Variants in ANKDD1A observed in about 807,000 individuals in gnomAD.
The protein encoded by ANKDD1A is ankyrin repeat and death domain-containing protein 1A.
ANKDD1A carries 59 observed loss-of-function variants against 63.5 expected under a neutral mutation model. That is an observed-to-expected ratio of 0.93 (90% confidence interval 0.75 to 1.15). ANKDD1A has a LOEUF of 1.15. Ranked by LOEUF, ANKDD1A falls within the 50% of genes most tolerant of loss-of-function variation. The pLI is 0.00. For synonymous variants in ANKDD1A, 266 were observed against 263.9 expected, an observed-to-expected ratio of 1.01 and a Z score of -0.08; for missense variants, 632 against 656.4, an observed-to-expected ratio of 0.96 and a Z score of 0.41.
intron 1 of ANKDD1A, among the ~76,000 whole-genome samples, 181 bp downstream of exon 1, chr15:64,912,145 T>C (rs1460660666): frequency 1.3e-5 from 2 of 152,036 alleles, no homozygotes. Flanking sequence ...ACCTTGCCAG[T>C]GCGTCTGGGA....
intron 14 of ANKDD1A, among the ~76,000 whole-genome samples, chr15:64,951,982 T>C (rs2085293913): frequency 6.7e-6 from 1 of 149,778 alleles, no homozygotes. Flanking sequence ...TTCTTCCTTC[T>C]TATTCTTCTT....
intron 14 of ANKDD1A, among the ~76,000 whole-genome samples, chr15:64,956,458 T>C (rs1595862482): frequency 1.3e-5 from 2 of 152,080 alleles, no homozygotes; most frequent in African/African-American, 2.4e-5. Flanking sequence ...GAGGCTGAGG[T>C]AGGAGAATGG....
At chr15:64,942,383 C>T in intron 9 of ANKDD1A, 84 bp from the exon 10 acceptor site, 2 of 1,069,644 alleles carry the variant, frequency 1.9e-6, no homozygotes, top group Admixed American at 2.6e-5. Context: ...CTATACTCTT[C>T]CCTCCTCCTG....
intron 14 of ANKDD1A, among the ~76,000 whole-genome samples, chr15:64,953,532 TC>T (rs2085344402): frequency 1.1e-5 from 1 of 89,130 alleles, no homozygotes; most frequent in South Asian, 3.3e-4. Flanking sequence ...TTCCTTCTTC[TC>T]CTCTCCTTCT....
At chr15:64,931,613 C>T (rs371581971) in intron 8 of ANKDD1A, 28 bp downstream of exon 8, 196 of 1,608,114 alleles carry the variant, frequency 1.2e-4, no homozygotes, top group African/African-American at 1.6e-4. Flanking sequence ...AGACTGCGGT[C>T]GGCTCTTGGC....
intron 6 of ANKDD1A, among the ~76,000 whole-genome samples, chr15:64,928,264 T>G (rs2085062725): frequency 6.6e-6 from 1 of 152,206 alleles, no homozygotes. Flanking sequence ...CCATCCACAC[T>G]CATCCTTTTG....
At position 64,911,906 on chromosome 15, in the gene ANKDD1A, C is replaced by G. The variant is rs1183464261; in HGVS notation, c.-25C>G. 8.0e-7 allele frequency: 1 copy of G among 1,249,024 alleles called. No homozygotes were observed. Among genetic ancestry groups the G allele is most frequent in the African/African-American group, 1.6e-5 (1 of 64,218 alleles). 77.4% of individuals were successfully genotyped at this position (1,249,024 alleles called of 1,614,324 possible). A position where few individuals can be genotyped will look rare whatever the true frequency, so the allele number is the denominator to read the frequency against. ...CGCGCCTCGCGCCCGGGCACCAGCG[C>G]GCGCAGGGGCTGCGGAGCGGCAGGA... On this transcript the variant is annotated 5_prime_UTR_variant, in exon 1 of 15. Transcript: ENST00000319580.
At chr15:64,955,219 A>T (rs957415636) in intron 14 of ANKDD1A, among the ~76,000 whole-genome samples, 1 of 151,754 alleles carries the variant, frequency 6.6e-6, no homozygotes, top group African/African-American at 2.4e-5. Context: ...ACACCCAGCT[A>T]ATGTTTTGTA....
intron 14 of ANKDD1A, among the ~76,000 whole-genome samples, chr15:64,954,751 TTTC>T (rs142805947): frequency 0.34 from 45,662 of 136,278 alleles, 8,193 homozygotes; most frequent in South Asian, 0.48. Context: ...CTCCTTCTTC[TTTC>T]TTTTTGTTCT....
At chr15:64,950,628 C>T in intron 14 of ANKDD1A, 1 of 985,084 alleles carries the variant, frequency 1.0e-6, no homozygotes, top group Non-Finnish European at 1.2e-6. Flanking sequence ...TGTGAAGTCT[C>T]CATTAGATAT....
At chr15:64,916,594 T>G (rs2084969821) in intron 2 of ANKDD1A, among the ~76,000 whole-genome samples, 1 of 152,202 alleles carries the variant, frequency 6.6e-6, no homozygotes, top group East Asian at 1.9e-4. Context: ...CCCGAAGTGC[T>G]GGGATTACAG....
intron 14 of ANKDD1A, among the ~76,000 whole-genome samples, chr15:64,953,167 TCTTTTC>T (rs1595859936): frequency 1.2e-3 from 117 of 97,476 alleles, no homozygotes; most frequent in East Asian, 2.3e-3. Flanking sequence ...CTTCTTTCCT[TCTTTTC>T]TTCTTTTTCT....
intron 9 of ANKDD1A, among the ~76,000 whole-genome samples, chr15:64,940,703 G>T (rs924177462): frequency 2.0e-5 from 3 of 151,790 alleles, no homozygotes; most frequent in African/African-American, 7.3e-5. Context: ...CTCCCAAAGT[G>T]CTGGGATTAC....
intron 3 of ANKDD1A, among the ~76,000 whole-genome samples, chr15:64,918,868 CG>C (rs1890190796): frequency 6.6e-6 from 1 of 151,850 alleles, no homozygotes; most frequent in Non-Finnish European, 1.5e-5. Context: ...GCAGGAGAAT[CG>C]CTGGAACCTG....
At chr15:64,944,025 GAGGTCAC>G (rs2085205303) in intron 11 of ANKDD1A, among the ~76,000 whole-genome samples, 1 of 152,206 alleles carries the variant, frequency 6.6e-6, no homozygotes, top group African/African-American at 2.4e-5. Context: ...ATGAGGCTGG[GAGGTCAC>G]AGGTGTTTGA....
rs777612217 is a variant in ANKDD1A at position 64,947,578 on chromosome 15, G to A, written c.1336G>A (p.Glu446Lys). The A allele has an allele frequency of 1.9e-5, 31 of 1,613,860 alleles. No individual in the cohort carries two copies. The highest frequency in any genetic ancestry group is 4.4e-5 in the South Asian group (4 of 91,058). ...CACGGAGGCACATGTCGACGCCATCGAGCAACAGTGGACAGGTACCACCTT... is the reference window on the plus strand; with the variant it reads ...CACGGAGGCACATGTCGACGCCATCAAGCAACAGTGGACAGGTACCACCTT... ...EFTEAHVDAI[E>K]QQWTGTRSYQ... The change falls in exon 13 of 15, where the codon GAG becomes AAG. Residue 446 changes from glutamate to lysine, a missense_variant. Glu to Lys is a moderately conservative substitution (Grantham distance 56, BLOSUM62 1). Transcript: ENST00000319580.
chr15:64,917,154 A>G (rs772897353), intron 2 of ANKDD1A, among the ~76,000 whole-genome samples: 25 of 152,160 alleles, frequency 1.6e-4, no homozygotes, highest in Non-Finnish European at 3.2e-4. Context: ...AGAAACTGTG[A>G]AGAGTTTTAG....
rs1333457769 is a variant in ANKDD1A at position 64,934,124 on chromosome 15, G to A, written c.769-12G>A. ...TCCTTGTGATAACGCATTGATGCCTGTTTCCTTCTAGAAAAACCTAAGCTG... is the reference window on the plus strand; with the variant it reads ...TCCTTGTGATAACGCATTGATGCCTATTTCCTTCTAGAAAAACCTAAGCTG... On this transcript the variant is annotated splice_polypyrimidine_tract_variant and intron_variant, in intron 8 of 14. Coordinates refer to ENST00000319580, the MANE Select transcript of ANKDD1A (RefSeq NM_182703.6). 6.2e-7 allele frequency: 1 copy of A among 1,602,864 alleles called. No homozygotes were observed. Among genetic ancestry groups the A allele is most frequent in the African/African-American group, 1.3e-5 (1 of 74,882 alleles).
chr15:64,926,048 T>G lies in ANKDD1A; in HGVS notation c.367-18T>G, dbSNP rs1295923267. 6.2e-7 allele frequency: 1 copy of G among 1,608,630 alleles called. No individual in the cohort carries two copies. Among genetic ancestry groups the G allele is most frequent in the African/African-American group, 1.3e-5 (1 of 74,846 alleles). On this transcript the variant is annotated intron_variant, in intron 4 of 14. Transcript: ENST00000319580. ...CTCCCTTCACAGACTGCAGGAACCCTCCTGCACTTGTTTCCAGGATGGCCT... is the reference window on the plus strand; with the variant it reads ...CTCCCTTCACAGACTGCAGGAACCCGCCTGCACTTGTTTCCAGGATGGCCT...
Sources: allele counts gnomAD v4.1 joint callset (sites outside exome capture counted in the v4.1 genomes callset), GRCh38; gene constraint gnomAD v4.1.1; transcripts MANE v1.5; gene names NCBI Gene and HGNC (gene_info 2026-07-23, HGNC 2026-07-21).